ABL1: variants seen among roughly 807,000 people sequenced by gnomAD.
The protein encoded by ABL1 is ABL proto-oncogene 1, non-receptor tyrosine kinase, also known as tyrosine-protein kinase ABL1.
A neutral mutation model predicts 94.7 loss-of-function variants in ABL1; 11 were observed. That is an observed-to-expected ratio of 0.12 (90% CI 0.07 to 0.19). The LOEUF is 0.19. ABL1 is among the 10% of genes least tolerant of loss of function. The probability of loss-of-function intolerance (pLI) is 1.00; values close to 1 mark genes in which losing one functional copy is unlikely to be tolerated. For missense variants in ABL1, 1,082 were observed against 1,489.4 expected (o/e 0.73, Z 4.50); for synonymous variants, 656 against 622.4 (o/e 1.05, Z -0.80).
At chr9:130,848,236 C>T (rs956545007) in intron 1 of ABL1, among the ~76,000 whole-genome samples, 3 of 151,786 alleles carry the variant, frequency 2.0e-5, no homozygotes, top group African/African-American at 4.8e-5. Flanking sequence ...CGCGGTGGCT[C>T]CTGCCTGTAA....
At chr9:130,750,644 C>CTTTTTTTTTTTTTT (rs71389345) in intron 1 of ABL1, among the ~76,000 whole-genome samples, 19 of 87,284 alleles carry the variant, frequency 2.2e-4, no homozygotes, top group African/African-American at 6.3e-4. Flanking sequence ...CTTTTTCTTT[C>CTTTTTTTTTTTTTT]TTTTTTTTTT....
intron 1 of ABL1, among the ~76,000 whole-genome samples, chr9:130,809,409 AGAGAGAGAGTGTGT>A (rs1276909934): frequency 2.9e-4 from 36 of 125,462 alleles, no homozygotes; most frequent in African/African-American, 8.3e-4. Flanking sequence ...AGAGAGAGAG[AGAGAGAGAGTGTGT>A]GTGTGTGTGT....
chr9:130,774,784 C>T (rs1264684216), intron 1 of ABL1, among the ~76,000 whole-genome samples: 2 of 151,730 alleles, frequency 1.3e-5, no homozygotes, highest in African/African-American at 2.4e-5. Context: ...AGGTTGAAGC[C>T]GAAGCTGAGA....
At position 130,887,571 on chromosome 9, in the gene ABL1, G is replaced by A. The variant is rs1047927327; in HGVS notation, c.*1888G>A. The stretch of plus-strand genomic sequence containing the variant: ...TGTGGTGGCTCCCCCTCTGCTTCTC[G>A]GGGTCCAGTGCATTTTGTTTCTGTA... On this transcript the variant is annotated 3_prime_UTR_variant, in exon 11 of 11. Coordinates refer to ENST00000318560, the MANE Select transcript of ABL1 (RefSeq NM_005157.6). 8.6e-6 allele frequency: 2 copies of A among 233,020 alleles called. No homozygotes were observed. The highest frequency in any genetic ancestry group is 6.1e-5 in the East Asian group (1 of 16,504). 14.4% of individuals were successfully genotyped at this position (233,020 alleles called of 1,614,324 possible). A position where few individuals can be genotyped will look rare whatever the true frequency, so the allele number is the denominator to read the frequency against.
intron 1 of ABL1, among the ~76,000 whole-genome samples, chr9:130,732,147 G>A (rs894415377): frequency 8.6e-5 from 13 of 151,996 alleles, no homozygotes; most frequent in African/African-American, 3.1e-4. Flanking sequence ...TAGTGAATAC[G>A]CAGTTGAATC....
intron 1 of ABL1, among the ~76,000 whole-genome samples, chr9:130,765,339 A>T (rs1006295778): frequency 2.0e-5 from 3 of 152,142 alleles, no homozygotes; most frequent in Non-Finnish European, 4.4e-5. Flanking sequence ...CTGCTCCCCC[A>T]CTTCAAAACG....
rs1051959788 is a variant in ABL1 at position 130,863,784 on chromosome 9, G to A, written c.822+749G>A. Among the ~76,000 whole-genome samples the A allele has an allele frequency of 1.2e-4, 18 of 152,200 alleles. No homozygotes were observed. Among genetic ancestry groups the A allele is most frequent in the South Asian group, 4.1e-4 (2 of 4,830 alleles). Reference sequence around the variant, plus strand: ...TGTGATCCAGGCTTTTCCCTGTGGCGAGGGTGTCCCCTAGTGTTGACTTAC... The same window carrying A: ...TGTGATCCAGGCTTTTCCCTGTGGCAAGGGTGTCCCCTAGTGTTGACTTAC... On this transcript the variant is annotated intron_variant, in intron 4 of 10. Coordinates refer to ENST00000318560, the MANE Select transcript of ABL1 (RefSeq NM_005157.6). This position sits in a 1 kb window ranked among gnomAD's most constrained non-coding sequence, Gnocchi z 4.3.
At chr9:130,743,417 T>C (rs1466929450) in intron 1 of ABL1, among the ~76,000 whole-genome samples, 7 of 152,320 alleles carry the variant, frequency 4.6e-5, no homozygotes, top group Non-Finnish European at 1.5e-5. Flanking sequence ...GCCTCTAAGA[T>C]GACCCCCAGT....
rs114508829 is a variant in ABL1 at position 130,768,302 on chromosome 9, C to T, written c.136+53847C>T. 3.4e-3 allele frequency among the ~76,000 whole-genome samples: 514 copies of T among 152,304 alleles called. 7 individuals carry two copies. The highest frequency in any genetic ancestry group is 0.012 in the African/African-American group (484 of 41,562). ...TAAAATAATTCATGCTCTGCTAGGTCTGTAACTTGGGAGGCTTGGTGTGCA... is the reference window on the plus strand; with the variant it reads ...TAAAATAATTCATGCTCTGCTAGGTTTGTAACTTGGGAGGCTTGGTGTGCA... On this transcript the variant is annotated intron_variant, in intron 1 of 10. Transcript: ENST00000372348.
chr9:130,878,151 A>G (rs757889412), intron 7 of ABL1, among the ~76,000 whole-genome samples: 5 of 151,936 alleles, frequency 3.3e-5, no homozygotes, highest in East Asian at 1.9e-4. Flanking sequence ...GGGTTTCGCC[A>G]TGTTGGCCAG....
intron 1 of ABL1, among the ~76,000 whole-genome samples, chr9:130,768,935 G>A (rs1832217571): frequency 6.6e-6 from 1 of 152,112 alleles, no homozygotes; most frequent in African/African-American, 2.4e-5. Flanking sequence ...AAAAGCAAGG[G>A]TAATATAATC....
chr9:130,875,599 C>T (rs907877013), intron 7 of ABL1, among the ~76,000 whole-genome samples: 5 of 152,064 alleles, frequency 3.3e-5, no homozygotes, highest in Admixed American at 2.6e-4. Flanking sequence ...GAGTTTCGTA[C>T]GTTCTGGGTT....
At position 130,878,445 on chromosome 9, in the gene ABL1, C is replaced by A. The variant is rs866526771; in HGVS notation, c.1301C>A (p.Thr434Asn). The A allele has an allele frequency of 2.5e-6, 4 of 1,614,064 alleles. No homozygotes were observed. The African/African-American group carries it at 5.3e-5, about 22-fold the overall frequency. Residue 434 changes from threonine to asparagine, a missense_variant, in exon 8 of 11, where the codon ACC becomes AAC. Thr to Asn is a moderately conservative substitution (Grantham distance 65). Transcript: ENST00000318560. The part of the protein sequence containing the change: ...AFGVLLWEIA[T>N]YGMSPYPGID... ...GGAGTATTGCTTTGGGAAATTGCTA[C>A]CTATGGCATGTCCCCTTACCCGGGA...
intron 1 of ABL1, among the ~76,000 whole-genome samples, chr9:130,782,476 T>TA (rs1283594200): frequency 3.3e-5 from 5 of 152,180 alleles, no homozygotes; most frequent in Admixed American, 2.6e-4. Context: ...GGGGTAAATT[T>TA]AGAGCCTGGG....
chr9:130,756,662 G>A (rs563665868), intron 1 of ABL1, among the ~76,000 whole-genome samples: 1 of 152,294 alleles, frequency 6.6e-6, no homozygotes, highest in African/African-American at 2.4e-5. Flanking sequence ...GGATGTTTCT[G>A]TTGTTGCTCC....
At chr9:130,816,808 AT>A (rs1431932425) in intron 1 of ABL1, among the ~76,000 whole-genome samples, 1 of 152,162 alleles carries the variant, frequency 6.6e-6, no homozygotes, top group Non-Finnish European at 1.5e-5. Context: ...GGTTCAAGCG[AT>A]TCTCCTGCCT....
At chr9:130,778,545 C>T (rs958844165) in intron 1 of ABL1, among the ~76,000 whole-genome samples, 6 of 152,154 alleles carry the variant, frequency 3.9e-5, no homozygotes, top group African/African-American at 7.2e-5. Flanking sequence ...GTCTCACTCC[C>T]TTCCTCCACT....
At chr9:130,881,414 A>C (rs1263367035) in intron 10 of ABL1, among the ~76,000 whole-genome samples, 1 of 152,176 alleles carries the variant, frequency 6.6e-6, no homozygotes, top group Non-Finnish European at 1.5e-5. Flanking sequence ...ACTGACTCAC[A>C]GTTCCACATG....
intron 1 of ABL1, among the ~76,000 whole-genome samples, chr9:130,793,540 T>A (rs1202965508): frequency 6.6e-6 from 1 of 152,226 alleles, no homozygotes; most frequent in Non-Finnish European, 1.5e-5. Context: ...AGACTATTTT[T>A]TCTGAGAAAT....
Sources: allele counts gnomAD v4.1 joint callset (sites outside exome capture counted in the v4.1 genomes callset), GRCh38; gene constraint gnomAD v4.1.1; non-coding constraint Gnocchi (gnomAD v3.1); transcripts MANE v1.5; gene names NCBI Gene and HGNC (gene_info 2026-07-23, HGNC 2026-07-21).